Variants in PCDHGB1 observed in about 807,000 individuals in gnomAD.
The protein encoded by PCDHGB1 is protocadherin gamma subfamily B, 1.
PCDHGB1 carries 34 observed loss-of-function variants against 56.6 expected under a neutral mutation model. That is an observed-to-expected ratio of 0.60 (90% CI 0.46 to 0.80). PCDHGB1 has a LOEUF of 0.80. PCDHGB1 is among the 30% of genes least tolerant of loss of function. The pLI is 0.00. For missense variants in PCDHGB1, 1,278 were observed against 1,204.6 expected (o/e 1.06, Z -0.90); for synonymous variants, 561 against 505.9 (o/e 1.11, Z -1.46).
chr5:141,404,764 C>T (rs371618979), intron 1 of PCDHGB1: 1 of 1,613,802 alleles, frequency 6.2e-7, no homozygotes, highest in Non-Finnish European at 8.5e-7. Context: ...ATGCTTGGCT[C>T]TCCTACCGCC....
At chr5:141,409,755 G>C (rs2095312141) in intron 1 of PCDHGB1, 1 of 1,613,024 alleles carries the variant, frequency 6.2e-7, no homozygotes, top group Non-Finnish European at 8.5e-7. Flanking sequence ...TTCGCGCAGC[G>C]CGCCTTTGAT....
chr5:141,512,702 C>T lies in PCDHGB1; in HGVS notation c.*1529C>T, dbSNP rs940927635. 2.0e-5 allele frequency: 3 copies of T among 152,828 alleles called. No homozygotes were observed. Among genetic ancestry groups the T allele is most frequent in the Non-Finnish European group, 2.9e-5 (2 of 68,560 alleles). The allele number at this position is 152,828 out of a possible 1,614,324, so 9.5% of individuals were successfully genotyped here. ...ATAGCCAGTAGTGTAGTGCGGTGTG[C>T]TTTTACGTGATGGCGGGTGGGCAGC... On this transcript the variant is annotated 3_prime_UTR_variant, in exon 4 of 4. Transcript: ENST00000523390.
chr5:141,427,840 A>G (rs779622800), intron 1 of PCDHGB1: 1 of 1,548,180 alleles, frequency 6.5e-7, no homozygotes, highest in Non-Finnish European at 8.8e-7. Flanking sequence ...CGTGCCTTCG[A>G]CCACGAGCAG....
intron 1 of PCDHGB1, among the ~76,000 whole-genome samples, chr5:141,449,869 T>G (rs1003364964): frequency 6.6e-6 from 1 of 151,924 alleles, no homozygotes; most frequent in African/African-American, 2.4e-5. Flanking sequence ...ATCAGAAAAT[T>G]TAACATCAAT....
At chr5:141,394,435 C>G (rs1473725556) in intron 1 of PCDHGB1, 1 of 1,614,246 alleles carries the variant, frequency 6.2e-7, no homozygotes, top group Non-Finnish European at 8.5e-7. Flanking sequence ...GGGGACCCGC[C>G]CCTCAGCAGC....
At chr5:141,395,522 A>T in intron 1 of PCDHGB1, 1 of 398,214 alleles carries the variant, frequency 2.5e-6, no homozygotes. Flanking sequence ...ACCCGTCCAT[A>T]CTGGTAATTT....
In PCDHGB1 at chr5:141,477,085, G is replaced by A. The variant is rs1420972762; in HGVS notation, c.2410-17722G>A. On this transcript the variant is annotated intron_variant, in intron 1 of 3. Coordinates refer to ENST00000523390, the MANE Select transcript of PCDHGB1 (RefSeq NM_018922.3). This position sits in a 1 kb window ranked among gnomAD's most constrained non-coding sequence, Gnocchi z 4.9. ...CCAAACTCCATGAGATTTACATCCAGGCCAAAGACAAGGGCGCCAATCCCG... is the reference window on the plus strand; with the variant it reads ...CCAAACTCCATGAGATTTACATCCAAGCCAAAGACAAGGGCGCCAATCCCG... 1 of 1,614,262 alleles carries A rather than the reference G, an allele frequency of 6.2e-7. No individual in the cohort carries two copies. The highest frequency in any genetic ancestry group is 1.7e-5 in the Admixed American group (1 of 60,034).
chr5:141,438,591 CATATATATATATATAT>C (rs946798767), intron 1 of PCDHGB1, among the ~76,000 whole-genome samples: 4 of 75,562 alleles, frequency 5.3e-5, no homozygotes, highest in East Asian at 3.5e-4. Context: ...TACATACATA[CATATATATATATATAT>C]ATATATATAT....
At chr5:141,384,276 C>T (rs1333595693) in intron 1 of PCDHGB1, 1 of 1,613,888 alleles carries the variant, frequency 6.2e-7, no homozygotes, top group South Asian at 1.1e-5. Context: ...CCTACTCAGT[C>T]TACATCGCTG....
At chr5:141,436,691 A>G (rs2097840863) in intron 1 of PCDHGB1, among the ~76,000 whole-genome samples, 1 of 152,226 alleles carries the variant, frequency 6.6e-6, no homozygotes, top group Admixed American at 6.5e-5. Context: ...TATATTTTCA[A>G]TGCCAGCACA....
chr5:141,389,410 GCGGGGTGGTGTTCGCGCAGCGCGC>G, intron 1 of PCDHGB1: 1 of 1,613,600 alleles, frequency 6.2e-7, no homozygotes, highest in Non-Finnish European at 8.5e-7. Context: ...AGCGCGGAGA[GCGGGGTGGTGTTCGCGCAGCGCGC>G]CTTCGACCAC....
chr5:141,451,134 T>A (rs567790185), intron 1 of PCDHGB1, among the ~76,000 whole-genome samples: 1 of 152,254 alleles, frequency 6.6e-6, no homozygotes, highest in South Asian at 2.1e-4. Context: ...AGCCTTATGA[T>A]TGTATTTAGA....
intron 1 of PCDHGB1, chr5:141,376,412 G>A (rs1772658839): frequency 1.9e-6 from 3 of 1,614,164 alleles, no homozygotes; most frequent in African/African-American, 1.3e-5. Context: ...CAACTATGCC[G>A]ACACGCTTAT....
intron 1 of PCDHGB1, chr5:141,478,354 C>T (rs141625672): frequency 1.2e-6 from 2 of 1,613,778 alleles, no homozygotes; most frequent in Non-Finnish European, 8.5e-7. Context: ...ACGCGGACGC[C>T]GTGCGGGGAG....
At chr5:141,362,927 A>G (rs940614958) in intron 1 of PCDHGB1, among the ~76,000 whole-genome samples, 2 of 152,224 alleles carry the variant, frequency 1.3e-5, no homozygotes, top group African/African-American at 2.4e-5. Context: ...GAGTAAAGAG[A>G]GTCTTCATTT....
chr5:141,412,952 T>C, intron 1 of PCDHGB1: 1 of 482,218 alleles, frequency 2.1e-6, no homozygotes, highest in Non-Finnish European at 3.6e-6. Context: ...AGCGCCGCTG[T>C]TCACCTACTA....
chr5:141,354,500 G>A (rs976019279), intron 1 of PCDHGB1, among the ~76,000 whole-genome samples: 1 of 152,218 alleles, frequency 6.6e-6, no homozygotes, highest in Non-Finnish European at 1.5e-5. Context: ...CAGTAGGTGA[G>A]TTTTTTGCAA....
At chr5:141,438,607 T>C (rs924136790) in intron 1 of PCDHGB1, among the ~76,000 whole-genome samples, 2 of 27,412 alleles carry the variant, frequency 7.3e-5, no homozygotes. Flanking sequence ...TATATATATA[T>C]ATATATATAT....
chr5:141,472,290 C>T (rs2099275934), intron 1 of PCDHGB1, among the ~76,000 whole-genome samples: 2 of 152,096 alleles, frequency 1.3e-5, no homozygotes, highest in Admixed American at 6.6e-5. Flanking sequence ...ACCTGTAATC[C>T]CAGCACTTTG....
Sources: gnomAD v4.1 joint callset for allele counts (sites outside exome capture counted in the v4.1 genomes callset) on GRCh38, gnomAD v4.1.1 for gene constraint, Gnocchi (gnomAD v3.1) non-coding constraint, MANE v1.5 for transcripts, NCBI Gene and HGNC (gene_info 2026-07-23, HGNC 2026-07-21) for gene names.